RAB27A: variants seen among roughly 807,000 people sequenced by gnomAD.
RAB27A encodes RAB27A, member RAS oncogene family.
RAB27A carries 17 observed loss-of-function variants against 20.8 expected under a neutral mutation model. The observed-to-expected ratio is 0.82, with a 90% CI of 0.56 to 1.23. The LOEUF (loss-of-function observed/expected upper bound fraction) is 1.23, where lower values mean the gene tolerates loss of function less well. RAB27A is among the 50% of genes most tolerant of loss of function. RAB27A has a pLI of 0.00. For missense variants in RAB27A, 277 were observed against 266.7 expected (o/e 1.04, Z -0.27); for synonymous variants, 85 against 92.8 (o/e 0.92, Z 0.48).
chr15:55,278,441 T>C (rs754444011), intron 1 of RAB27A, among the ~76,000 whole-genome samples: 11 of 152,030 alleles, frequency 7.2e-5, no homozygotes, highest in Non-Finnish European at 1.2e-4. Flanking sequence ...ACTTTTTTCC[T>C]TCATAATAGC....
At position 55,206,945 on chromosome 15, in the gene RAB27A, G is replaced by A. The variant is rs1366601805; in HGVS notation, c.468-1240C>T. On this transcript the variant is annotated intron_variant, in intron 6 of 6. Transcript: ENST00000336787. Reference sequence around the variant, plus strand: ...ATAACTTGCAAACGGGTTAGCATCCGAAAAAATAATTCCTCAAATGAATTA... The same window carrying A: ...ATAACTTGCAAACGGGTTAGCATCCAAAAAAATAATTCCTCAAATGAATTA... 3.9e-5 allele frequency among the ~76,000 whole-genome samples: 6 copies of A among 151,946 alleles called. 1 individual carries two copies. Among genetic ancestry groups the A allele is most frequent in the Non-Finnish European group, 7.4e-5 (5 of 67,972 alleles).
intron 1 of RAB27A, among the ~76,000 whole-genome samples, chr15:55,281,162 T>C (rs1434970618): frequency 6.6e-6 from 1 of 152,224 alleles, no homozygotes; most frequent in Non-Finnish European, 1.5e-5. Context: ...GCCATTTTCA[T>C]GTATAGCCAG....
rs541652963 is a variant in RAB27A, at chr15:55,226,368, A to G, written c.343+2241T>C. Among the ~76,000 whole-genome samples the G allele has an allele frequency of 1.6e-4, 24 of 152,168 alleles. No homozygotes were observed. In the East Asian group the frequency reaches 4.1e-3, roughly 26 times the overall value. On this transcript the variant is annotated intron_variant, in intron 5 of 6. Coordinates refer to ENST00000336787, the MANE Select transcript of RAB27A (RefSeq NM_183235.3). The stretch of plus-strand genomic sequence containing the variant: ...AGAGGGCATGGAGAGATTGAGTGAG[A>G]GGGAGGGGTCTGCAAGGAGCAAAGG...
At chr15:55,311,713 AGAG>A (rs1248376564) in intron 2 of RAB27A, among the ~76,000 whole-genome samples, 1 of 152,184 alleles carries the variant, frequency 6.6e-6, no homozygotes, top group Non-Finnish European at 1.5e-5. Flanking sequence ...TCCCCCTTGA[AGAG>A]GATATCGTGG....
chr15:55,241,624 A>ATATATATGTGTG (rs377301086), intron 2 of RAB27A, among the ~76,000 whole-genome samples: 22 of 117,650 alleles, frequency 1.9e-4, no homozygotes, highest in African/African-American at 9.2e-4. Context: ...ATATATATAT[A>ATATATATGTGTG]TGTGTGTATA....
chr15:55,205,659 G>C lies in RAB27A; in HGVS notation c.514C>G (p.Gln172Glu). ...TSAANGTNIS[Q>E]AIEMLLDLIM... ...AGGTCCAGAAGCATCTCAATTGCTT[G>C]GCTTATGTTTGTCCCATTGGCAGCA... is the stretch of plus-strand genomic sequence containing the variant. The change falls in exon 7 of 7, where the codon CAA (glutamine) becomes GAA (glutamate). Residue 172 changes from glutamine (Q) to glutamate (E), a missense_variant. By Grantham distance (29) the Gln-to-Glu change is conservative. Transcript: ENST00000336787. 6.2e-7 allele frequency: 1 copy of C among 1,614,010 alleles called. No homozygotes were observed. The highest frequency in any genetic ancestry group is 8.5e-7 in the Non-Finnish European group (1 of 1,179,946).
rs550334644 is a variant in RAB27A, at chr15:55,228,265, CA to C, written c.343+343del. ...AGAAGAATTGATAGCATACAATAGACAAGCAGATACTTAGAGATTTAACTTC... is the reference window on the plus strand; with the variant it reads ...AGAAGAATTGATAGCATACAATAGACAGCAGATACTTAGAGATTTAACTTC... On this transcript the variant is annotated intron_variant, in intron 5 of 6. Transcript: ENST00000336787. Among the ~76,000 whole-genome samples, 220 of 152,244 alleles carry C rather than the reference CA, an allele frequency of 1.4e-3. 1 individual carries two copies. Among genetic ancestry groups the C allele is most frequent in the African/African-American group, 5.0e-3 (209 of 41,548 alleles).
intron 2 of RAB27A, among the ~76,000 whole-genome samples, chr15:55,305,501 A>G (rs951312372): frequency 2.6e-5 from 4 of 152,212 alleles, no homozygotes; most frequent in African/African-American, 9.6e-5. Context: ...TACAGGGTCC[A>G]AAGAGGAGTA....
intron 2 of RAB27A, among the ~76,000 whole-genome samples, chr15:55,297,261 G>T (rs555954047): frequency 6.6e-6 from 1 of 152,240 alleles, no homozygotes; most frequent in South Asian, 2.1e-4. Context: ...GTAAGAAATT[G>T]TGTCAAAGAA....
At chr15:55,243,197 GA>G (rs966906822) in intron 2 of RAB27A, among the ~76,000 whole-genome samples, 13 of 150,290 alleles carry the variant, frequency 8.6e-5, no homozygotes, top group East Asian at 2.0e-4. Flanking sequence ...GCAAATCCAA[GA>G]AAAAAAAATA....
chr15:55,287,945 T>C (rs1295030197), intron 1 of RAB27A, among the ~76,000 whole-genome samples: 5 of 152,170 alleles, frequency 3.3e-5, no homozygotes, highest in African/African-American at 1.2e-4. Context: ...AATAAACCTT[T>C]ACATTCATGG....
chr15:55,257,274 G>A (rs1897115027), intron 2 of RAB27A, among the ~76,000 whole-genome samples: 1 of 152,174 alleles, frequency 6.6e-6, no homozygotes, highest in Non-Finnish European at 1.5e-5. Context: ...ACCAAGAAAT[G>A]CTTGAAAATC....
chr15:55,305,472 T>C (rs1353897117), intron 2 of RAB27A, among the ~76,000 whole-genome samples: 1 of 152,140 alleles, frequency 6.6e-6, no homozygotes, highest in Non-Finnish European at 1.5e-5. Context: ...AGAGACAAAC[T>C]TAACAAGGAG....
intron 2 of RAB27A, among the ~76,000 whole-genome samples, chr15:55,304,412 T>A (rs1300685752): frequency 6.6e-6 from 1 of 150,688 alleles, no homozygotes; most frequent in Admixed American, 6.6e-5. Flanking sequence ...TATTGTCCCA[T>A]GACCCTGCCA....
chr15:55,230,295 CA>C, intron 4 of RAB27A, 105 bp downstream of exon 4: 8 of 1,105,186 alleles, frequency 7.2e-6, no homozygotes, highest in Non-Finnish European at 1.1e-5. Flanking sequence ...CATTCAAGTG[CA>C]AACCAACGAA....
intron 5 of RAB27A, among the ~76,000 whole-genome samples, chr15:55,225,318 G>C (rs2140962750): frequency 6.6e-6 from 1 of 152,328 alleles, no homozygotes; most frequent in South Asian, 2.1e-4. Flanking sequence ...GTGTGACCCT[G>C]ATGAAGTTAT....
rs530629557 is a variant in RAB27A, at chr15:55,297,600, A to G, written c.-112+16439T>C. 7.2e-5 allele frequency among the ~76,000 whole-genome samples: 11 copies of G among 152,340 alleles called. No homozygotes were observed. In the South Asian group the frequency reaches 1.0e-3, roughly 14 times the overall value. ...ATCCAACAACTGAGAACAAACCAGC[A>G]TGGAAGGTACAGTTCCCTGGGCATT... On this transcript the variant is annotated intron_variant, in intron 2 of 5. Transcript: ENST00000563262.
chr15:55,235,243 T>C (rs1285224157), intron 2 of RAB27A, among the ~76,000 whole-genome samples: 1 of 152,076 alleles, frequency 6.6e-6, no homozygotes, highest in African/African-American at 2.4e-5. Context: ...AGGTTGGGAA[T>C]TCGAGACCAG....
At chr15:55,310,901 G>A (rs1487641809) in intron 2 of RAB27A, among the ~76,000 whole-genome samples, 3 of 152,148 alleles carry the variant, frequency 2.0e-5, no homozygotes, top group Non-Finnish European at 4.4e-5. Flanking sequence ...CCAGAAAGGC[G>A]GTAGGATTTT....
Sources: allele counts gnomAD v4.1 joint callset (sites outside exome capture counted in the v4.1 genomes callset), GRCh38; gene constraint gnomAD v4.1.1; transcripts MANE v1.5; gene names NCBI Gene and HGNC (gene_info 2026-07-23, HGNC 2026-07-21).